ANKRD29: variants seen among roughly 807,000 people sequenced by gnomAD.
The protein encoded by ANKRD29 is ankyrin repeat domain-containing protein 29.
ANKRD29 carries 32 observed loss-of-function variants against 38.0 expected under a neutral mutation model. That is an observed-to-expected ratio of 0.84 (90% CI 0.64 to 1.13). The LOEUF is 1.13. Among genes scored for constraint, ANKRD29 ranks in the 50% most tolerant of loss-of-function variants. The pLI is 0.00. For synonymous variants in ANKRD29, 135 were observed against 152.4 expected, an observed-to-expected ratio of 0.89 and a Z score of 0.84; for missense variants, 357 against 377.9, an observed-to-expected ratio of 0.94 and a Z score of 0.46.
At chr18:23,621,177 T>A (rs1001952461) in intron 6 of ANKRD29, among the ~76,000 whole-genome samples, 1 of 152,192 alleles carries the variant, frequency 6.6e-6, no homozygotes, top group Admixed American at 6.5e-5. Context: ...AAGAGACTGT[T>A]TTAGCCAGAT....
At chr18:23,626,028 A>G (rs2059857724) in intron 6 of ANKRD29, among the ~76,000 whole-genome samples, 1 of 152,194 alleles carries the variant, frequency 6.6e-6, no homozygotes, top group Non-Finnish European at 1.5e-5. Context: ...ACCATGTGCA[A>G]ACGAAACAAG....
intron 9 of ANKRD29, 90 bp from the exon 10 acceptor site, chr18:23,601,399 C>T: frequency 9.8e-7 from 1 of 1,018,082 alleles, no homozygotes. Context: ...CACTCTTTCT[C>T]CTTCACTAAT....
chr18:23,662,817 G>C lies in ANKRD29; in HGVS notation c.-87C>G. The C allele has an allele frequency of 8.3e-7, 1 of 1,203,112 alleles. No homozygotes were observed. Among genetic ancestry groups the C allele is most frequent in the Non-Finnish European group, 1.0e-6 (1 of 962,394 alleles). 74.5% of individuals were successfully genotyped at this position (1,203,112 alleles called of 1,614,324 possible). A position where few individuals can be genotyped will look rare whatever the true frequency, so the allele number is the denominator to read the frequency against. The stretch of plus-strand genomic sequence containing the variant: ...GCCCTTCACTCTCCCGGGGCTCTCG[G>C]CGTTCCGCAGAGGGGCGGCCTCCGA... On this transcript the variant is annotated 5_prime_UTR_variant, in exon 1 of 10. Transcript: ENST00000592179.
intron 6 of ANKRD29, among the ~76,000 whole-genome samples, chr18:23,620,840 G>A (rs1024383179): frequency 2.6e-5 from 4 of 152,144 alleles, no homozygotes; most frequent in Admixed American, 6.5e-5. Flanking sequence ...CAGGAGTCCC[G>A]TCTGCCTATG....
At chr18:23,655,807 A>G (rs2060272380) in intron 1 of ANKRD29, among the ~76,000 whole-genome samples, 1 of 142,894 alleles carries the variant, frequency 7.0e-6, no homozygotes, top group Non-Finnish European at 1.5e-5. Flanking sequence ...TTAAAAGATA[A>G]TTCTGGCCGG....
chr18:23,620,807 C>T (rs1226150379), intron 6 of ANKRD29, among the ~76,000 whole-genome samples: 1 of 152,208 alleles, frequency 6.6e-6, no homozygotes, highest in African/African-American at 2.4e-5. Context: ...CCATGGCCCA[C>T]ATCCACCTAG....
intron 9 of ANKRD29, among the ~76,000 whole-genome samples, chr18:23,605,782 C>T (rs1273887410): frequency 1.3e-5 from 2 of 152,206 alleles, no homozygotes; most frequent in South Asian, 2.1e-4. Flanking sequence ...CTGCCTCGGC[C>T]TCCCAAAGTG....
At chr18:23,652,730 G>A (rs1296610342) in intron 1 of ANKRD29, among the ~76,000 whole-genome samples, 1 of 152,134 alleles carries the variant, frequency 6.6e-6, no homozygotes, top group Non-Finnish European at 1.5e-5. Context: ...CCTCTTTCTT[G>A]ATTTTTCTGA....
rs1184379406 is a variant in ANKRD29, at chr18:23,600,356, T to C, written c.*870A>G. Reference sequence around the variant, plus strand: ...GTCATTCTATCAAGCAGCACGGTGTTGGAAACTCAAGATTCCACAGCATGT... The same window carrying C: ...GTCATTCTATCAAGCAGCACGGTGTCGGAAACTCAAGATTCCACAGCATGT... On this transcript the variant is annotated 3_prime_UTR_variant, in exon 10 of 10. Transcript: ENST00000592179. 6.6e-6 allele frequency: 1 copy of C among 152,184 alleles called. No individual in the cohort carries two copies. Among genetic ancestry groups the C allele is most frequent in the East Asian group, 1.9e-4 (1 of 5,202 alleles). 9.4% of individuals were successfully genotyped at this position (152,184 alleles called of 1,614,324 possible).
intron 6 of ANKRD29, among the ~76,000 whole-genome samples, chr18:23,621,083 G>A (rs892003504): frequency 3.9e-5 from 6 of 152,294 alleles, no homozygotes; most frequent in Non-Finnish European, 1.5e-5. Context: ...TGACTCTTAG[G>A]TCCCTTCGGA....
At chr18:23,660,265 T>C (rs1406388920) in intron 1 of ANKRD29, among the ~76,000 whole-genome samples, 2 of 152,234 alleles carry the variant, frequency 1.3e-5, no homozygotes, top group Non-Finnish European at 2.9e-5. Flanking sequence ...GGTATCTCAT[T>C]ACAGTTTTGT....
intron 8 of ANKRD29, among the ~76,000 whole-genome samples, chr18:23,613,714 C>G (rs1339452499): frequency 6.6e-6 from 1 of 151,556 alleles, no homozygotes; most frequent in Non-Finnish European, 1.5e-5. Context: ...ATTCTCCTGC[C>G]TCAGTCTTCC....
intron 4 of ANKRD29, among the ~76,000 whole-genome samples, chr18:23,634,841 G>C (rs2145697353): frequency 6.6e-6 from 1 of 152,252 alleles, no homozygotes; most frequent in East Asian, 1.9e-4. Context: ...GCCTCCCAGG[G>C]CTTCTAGCCA....
At chr18:23,658,004 G>A (rs2060306978) in intron 1 of ANKRD29, among the ~76,000 whole-genome samples, 1 of 152,220 alleles carries the variant, frequency 6.6e-6, no homozygotes, top group African/African-American at 2.4e-5. Flanking sequence ...GCCTTGCTAG[G>A]TATTGGACTT....
intron 6 of ANKRD29, among the ~76,000 whole-genome samples, chr18:23,624,445 C>A (rs543196643): frequency 9.9e-6 from 1 of 100,648 alleles, no homozygotes; most frequent in Non-Finnish European, 1.8e-5. Context: ...CCAGCCTGGG[C>A]GACAGAGTGA....
At chr18:23,619,448 C>T in intron 7 of ANKRD29, 83 bp downstream of exon 7, 1 of 1,319,926 alleles carries the variant, frequency 7.6e-7, no homozygotes, top group East Asian at 2.6e-5. Flanking sequence ...CCCATGTGGG[C>T]TGCAGACTCA....
At chr18:23,649,345 A>G (rs76122475) in intron 1 of ANKRD29, 152 bp from the exon 2 acceptor site, 20,167 of 724,718 alleles carry the variant, frequency 0.028, 502 homozygotes, top group Middle Eastern at 0.097. Flanking sequence ...AACTGTAATA[A>G]CAGAATGAAC....
intron 9 of ANKRD29, among the ~76,000 whole-genome samples, chr18:23,603,953 C>T (rs1038754536): frequency 2.0e-5 from 3 of 151,908 alleles, no homozygotes; most frequent in African/African-American, 4.8e-5. Flanking sequence ...AGTGATTCTC[C>T]TGCCTCAGCC....
intron 8 of ANKRD29, among the ~76,000 whole-genome samples, chr18:23,614,284 AC>A (rs1038804417): frequency 6.6e-6 from 1 of 151,804 alleles, no homozygotes; most frequent in Non-Finnish European, 1.5e-5. Context: ...CTGGTCTTGA[AC>A]TCCTAATCTC....
Sources: gnomAD v4.1 joint callset for allele counts (sites outside exome capture counted in the v4.1 genomes callset) on GRCh38, gnomAD v4.1.1 for gene constraint, MANE v1.5 for transcripts, NCBI Gene and HGNC (gene_info 2026-07-23, HGNC 2026-07-21) for gene names.